Variants in MYO1B observed in about 807,000 individuals in gnomAD.
MYO1B encodes the protein unconventional myosin-Ib.
Under a neutral mutation model 159.7 loss-of-function variants are expected in MYO1B, and 72 were observed. The observed-to-expected ratio is 0.45, with a 90% confidence interval of 0.37 to 0.55. MYO1B has a LOEUF of 0.55. MYO1B is among the 20% of genes least tolerant of loss of function. The probability of loss-of-function intolerance (pLI) is 0.00; values close to 1 mark genes in which losing one functional copy is unlikely to be tolerated. For missense variants in MYO1B, 1,062 were observed against 1,364.8 expected, an observed-to-expected ratio of 0.78 and a Z score of 3.50; for synonymous variants, 468 against 473.8, an observed-to-expected ratio of 0.99 and a Z score of 0.16.
intron 11 of MYO1B, among the ~76,000 whole-genome samples, chr2:191,365,866 C>T (rs1364922442): frequency 6.6e-6 from 1 of 152,200 alleles, no homozygotes; most frequent in Non-Finnish European, 1.5e-5. Context: ...GTGAAGTCTG[C>T]AGTCAGAGTG....
chr2:191,257,471 A>T (rs1236485606), intron 1 of MYO1B, among the ~76,000 whole-genome samples: 1 of 152,250 alleles, frequency 6.6e-6, no homozygotes, highest in East Asian at 1.9e-4. Context: ...TTACCAAAAT[A>T]CATTTTTACA....
At chr2:191,399,142 T>C (rs1398500049) in intron 21 of MYO1B, among the ~76,000 whole-genome samples, 5 of 151,592 alleles carry the variant, frequency 3.3e-5, no homozygotes, top group African/African-American at 1.2e-4. Flanking sequence ...GGCACGCACC[T>C]GCAATCGCAG....
At chr2:191,304,268 A>G (rs373667206) in intron 3 of MYO1B, among the ~76,000 whole-genome samples, 28 of 152,188 alleles carry the variant, frequency 1.8e-4, no homozygotes, top group South Asian at 1.5e-3. Flanking sequence ...TTTTGTGGCT[A>G]TTTTCAAAAC....
At chr2:191,368,976 A>G (rs1043598158) in intron 11 of MYO1B, among the ~76,000 whole-genome samples, 7 of 152,308 alleles carry the variant, frequency 4.6e-5, no homozygotes, top group East Asian at 1.9e-4. Flanking sequence ...TCTGTCTCCA[A>G]AAAAATTTAA....
chr2:191,378,898 G>C (rs1694878591), intron 13 of MYO1B, among the ~76,000 whole-genome samples: 1 of 152,070 alleles, frequency 6.6e-6, no homozygotes, highest in Non-Finnish European at 1.5e-5. Context: ...AGAATTACTG[G>C]TGATAGCCTG....
rs569246725 is a variant in MYO1B at position 191,362,225 on chromosome 2, A to C, written c.662-43A>C. 164 of 1,468,242 alleles carry C rather than the reference A, an allele frequency of 1.1e-4. 1 individual carries two copies. In the South Asian group the frequency reaches 1.8e-3, roughly 16 times the overall value. 91.0% of individuals were successfully genotyped at this position (1,468,242 alleles called of 1,614,324 possible). A position where few individuals can be genotyped will look rare whatever the true frequency, so the allele number is the denominator to read the frequency against. The stretch of plus-strand genomic sequence containing the variant: ...AAGGGAATGAGATATTAAAGATTGG[A>C]TTTATTGAAGCAACTTAACAACTTG... On this transcript the variant is annotated intron_variant, in intron 8 of 30. Coordinates refer to ENST00000392318, the MANE Select transcript of MYO1B (RefSeq NM_001130158.3).
At chr2:191,301,965 C>T (rs2125832055) in intron 3 of MYO1B, among the ~76,000 whole-genome samples, 1 of 152,338 alleles carries the variant, frequency 6.6e-6, no homozygotes, top group South Asian at 2.1e-4. Flanking sequence ...GTGTTCAAGG[C>T]CCTTTACAGT....
At chr2:191,333,903 T>C (rs1434136180) in intron 4 of MYO1B, among the ~76,000 whole-genome samples, 1 of 152,204 alleles carries the variant, frequency 6.6e-6, no homozygotes, top group African/African-American at 2.4e-5. Context: ...GCAAGGCAAG[T>C]TAGAAACTCT....
At chr2:191,384,124 G>C (rs570363750) in intron 15 of MYO1B, among the ~76,000 whole-genome samples, 59 of 152,322 alleles carry the variant, frequency 3.9e-4, no homozygotes, top group African/African-American at 1.4e-3. Context: ...TAAGCTTTCT[G>C]AGTCCAAGAT....
chr2:191,333,207 C>T (rs564558279), intron 4 of MYO1B, among the ~76,000 whole-genome samples: 12 of 152,224 alleles, frequency 7.9e-5, no homozygotes, highest in African/African-American at 2.9e-4. Context: ...TTTCCAGTAA[C>T]GTTAATGTGT....
At chr2:191,250,924 G>A (rs1164671906) in intron 1 of MYO1B, among the ~76,000 whole-genome samples, 1 of 152,178 alleles carries the variant, frequency 6.6e-6, no homozygotes, top group African/African-American at 2.4e-5. Context: ...TTCTTTTTAA[G>A]GAGTTAGAGG....
chr2:191,365,011 T>C (rs1574517964), intron 11 of MYO1B, among the ~76,000 whole-genome samples: 1 of 152,020 alleles, frequency 6.6e-6, no homozygotes, highest in South Asian at 2.1e-4. Context: ...CCCTTGATAT[T>C]GGGGCCAGTG....
At chr2:191,378,127 T>C (rs1317964098) in intron 13 of MYO1B, among the ~76,000 whole-genome samples, 1 of 152,072 alleles carries the variant, frequency 6.6e-6, no homozygotes. Context: ...AAAGGAGCCT[T>C]AGCACGGTAC....
chr2:191,400,001 A>G (rs1270155236), intron 21 of MYO1B, among the ~76,000 whole-genome samples: 1 of 152,198 alleles, frequency 6.6e-6, no homozygotes, highest in Non-Finnish European at 1.5e-5. Flanking sequence ...AAGGACAGCT[A>G]CAGTTACATT....
intron 13 of MYO1B, among the ~76,000 whole-genome samples, chr2:191,371,958 G>C (rs1694393331): frequency 6.6e-6 from 1 of 152,242 alleles, no homozygotes; most frequent in African/African-American, 2.4e-5. Context: ...TGAGGTTTCT[G>C]AGTTAGGAGA....
At chr2:191,385,837 C>A in intron 15 of MYO1B, 47 bp from the exon 16 acceptor site, 1 of 1,580,612 alleles carries the variant, frequency 6.3e-7, no homozygotes, top group Non-Finnish European at 8.7e-7. Flanking sequence ...ATTATTAAAA[C>A]AATATAGTGA....
intron 3 of MYO1B, among the ~76,000 whole-genome samples, chr2:191,306,161 C>T (rs1176345390): frequency 2.0e-5 from 3 of 151,994 alleles, no homozygotes; most frequent in African/African-American, 2.4e-5. Flanking sequence ...GGGGGAGTCA[C>T]GAGTGGTTTA....
chr2:191,264,383 T>G (rs1687002024), intron 1 of MYO1B, among the ~76,000 whole-genome samples: 1 of 152,198 alleles, frequency 6.6e-6, no homozygotes, highest in African/African-American at 2.4e-5. Context: ...AAAACTTTTT[T>G]AAACCTTGAG....
intron 5 of MYO1B, among the ~76,000 whole-genome samples, chr2:191,343,250 A>T (rs1267683367): frequency 6.6e-6 from 1 of 152,202 alleles, no homozygotes; most frequent in Non-Finnish European, 1.5e-5. Flanking sequence ...GAAGGATGAG[A>T]TTCAACACGG....
Sources: gnomAD v4.1 joint callset for allele counts (sites outside exome capture counted in the v4.1 genomes callset) on GRCh38, gnomAD v4.1.1 for gene constraint, MANE v1.5 for transcripts, NCBI Gene and HGNC (gene_info 2026-07-23, HGNC 2026-07-21) for gene names.